The following PCDH9 variants were observed in gnomAD, a reference collection of about 807,000 sequenced individuals.
PCDH9 encodes the protein protocadherin 9.
Under a neutral mutation model 70.6 loss-of-function variants are expected in PCDH9, and 24 were observed. That is an observed-to-expected ratio of 0.34 (90% CI 0.25 to 0.48). The LOEUF (loss-of-function observed/expected upper bound fraction) is 0.48. Among genes scored for constraint, PCDH9 ranks in the 20% least tolerant of loss-of-function variants. The pLI, the probability that PCDH9 is intolerant of heterozygous loss-of-function variation, is 0.99. For missense variants in PCDH9, 1,281 were observed against 1,503.6 expected, an observed-to-expected ratio of 0.85 and a Z score of 2.45; for synonymous variants, 562 against 558.5, an observed-to-expected ratio of 1.01 and a Z score of -0.09.
intron 3 of PCDH9, among the ~76,000 whole-genome samples, chr13:66,805,714 T>A (rs1295313742): frequency 6.6e-6 from 1 of 152,164 alleles, no homozygotes; most frequent in Non-Finnish European, 1.5e-5. Flanking sequence ...TCCAATTCCG[T>A]CCTATGTCCT....
chr13:66,489,402 C>T (rs997176466), intron 4 of PCDH9, among the ~76,000 whole-genome samples: 59 of 152,258 alleles, frequency 3.9e-4, no homozygotes, highest in African/African-American at 1.4e-3. Flanking sequence ...CCTTGACCTC[C>T]TGGACTCAAG....
At chr13:66,771,757 CA>C (rs1181619319) in intron 3 of PCDH9, among the ~76,000 whole-genome samples, 6 of 152,196 alleles carry the variant, frequency 3.9e-5, no homozygotes, top group Non-Finnish European at 5.9e-5. Flanking sequence ...TTTATCTCCT[CA>C]ATTCTCAGTT....
At chr13:66,546,198 A>G (rs1961192007) in intron 4 of PCDH9, among the ~76,000 whole-genome samples, 1 of 151,986 alleles carries the variant, frequency 6.6e-6, no homozygotes, top group Admixed American at 6.6e-5. Context: ...TTAACTATAA[A>G]GCAGCCTCAG....
At chr13:67,171,264 C>T (rs2088277528) in intron 2 of PCDH9, among the ~76,000 whole-genome samples, 1 of 152,088 alleles carries the variant, frequency 6.6e-6, no homozygotes, top group Non-Finnish European at 1.5e-5. Flanking sequence ...AGGGTATCTA[C>T]AGTAAGTAAA....
intron 3 of PCDH9, among the ~76,000 whole-genome samples, chr13:66,858,009 G>A (rs766530508): frequency 6.6e-5 from 10 of 152,120 alleles, no homozygotes; most frequent in Non-Finnish European, 1.2e-4. Flanking sequence ...AAAGTGCTGG[G>A]ATGACTAGAC....
intron 2 of PCDH9, among the ~76,000 whole-genome samples, chr13:66,947,649 G>C (rs540705093): frequency 3.3e-5 from 5 of 152,226 alleles, no homozygotes; most frequent in African/African-American, 1.2e-4. Flanking sequence ...CAAAGGCATT[G>C]AATCAGCATG....
intron 4 of PCDH9, among the ~76,000 whole-genome samples, chr13:66,514,352 T>C (rs1349645870): frequency 6.6e-6 from 1 of 152,016 alleles, no homozygotes; most frequent in Non-Finnish European, 1.5e-5. Context: ...TTGGTTTGTA[T>C]AAAATAAAAT....
intron 2 of PCDH9, among the ~76,000 whole-genome samples, chr13:66,936,341 T>C (rs1341713138): frequency 1.3e-5 from 2 of 152,204 alleles, no homozygotes; most frequent in East Asian, 3.9e-4. Flanking sequence ...GAGATTCAGA[T>C]TTTTTGTTTG....
chr13:66,405,482 A>G (rs1267591117), intron 4 of PCDH9, among the ~76,000 whole-genome samples: 2 of 152,194 alleles, frequency 1.3e-5, no homozygotes, highest in Non-Finnish European at 2.9e-5. Flanking sequence ...GATTTCAAGG[A>G]GAACATAAAG....
intron 4 of PCDH9, among the ~76,000 whole-genome samples, chr13:66,381,089 GA>G (rs1204218467): frequency 1.3e-5 from 2 of 152,114 alleles, no homozygotes; most frequent in Admixed American, 1.3e-4. Context: ...AAGAGAGTTT[GA>G]AATTATATTT....
At chr13:66,385,861 G>T (rs1236159759) in intron 4 of PCDH9, among the ~76,000 whole-genome samples, 1 of 152,002 alleles carries the variant, frequency 6.6e-6, no homozygotes, top group Non-Finnish European at 1.5e-5. Context: ...AGAACTCTGG[G>T]GAATAATATG....
intron 4 of PCDH9, among the ~76,000 whole-genome samples, chr13:66,612,392 C>T (rs186404906): frequency 6.6e-6 from 1 of 152,166 alleles, no homozygotes; most frequent in African/African-American, 2.4e-5. Context: ...CATGATAGAG[C>T]AATGCATTTA....
chr13:66,946,440 C>T (rs1179464226), intron 2 of PCDH9, among the ~76,000 whole-genome samples: 7 of 152,000 alleles, frequency 4.6e-5, no homozygotes, highest in East Asian at 1.9e-4. Flanking sequence ...AGGGCCAAGG[C>T]GGGAAGCTTG....
chr13:66,746,925 C>T lies in PCDH9; in HGVS notation c.3139-115514G>A, dbSNP rs191936684. ...ACTACTAAATGTGAATACCCCTATC[C>T]CCCAACTTTCGTGATTTGTGAGATT... is the stretch of plus-strand genomic sequence containing the variant. On this transcript the variant is annotated intron_variant, in intron 3 of 4. Coordinates refer to ENST00000377865, the MANE Select transcript of PCDH9 (RefSeq NM_203487.3). Among the ~76,000 whole-genome samples, 3 of 152,158 alleles carry T rather than the reference C, an allele frequency of 2.0e-5. No individual in the cohort carries two copies. In the East Asian group the frequency reaches 5.8e-4, roughly 29 times the overall value.
intron 2 of PCDH9, among the ~76,000 whole-genome samples, chr13:67,033,353 G>C: frequency 6.6e-6 from 1 of 152,122 alleles, no homozygotes; most frequent in East Asian, 1.9e-4. Context: ...TTACCTATTG[G>C]TCAGGAAGTG....
In PCDH9 at chr13:67,215,882, GAC is replaced by G. The variant is rs1335105598; in HGVS notation, c.3036+9521_3036+9522del. ...GTGTTAGAAATACAAAGGTAAGTAA[GAC>G]ACAGTCTCTTACTTTGAGGAACTTT... On this transcript the variant is annotated intron_variant, in intron 2 of 4. Transcript: ENST00000377865. The G allele has an allele frequency of 2.6e-5, 4 of 152,140 alleles. No individual in the cohort carries two copies. In the East Asian group the frequency reaches 5.8e-4, roughly 22 times the overall value. The allele number at this position is 152,140 out of a possible 1,614,324, so 9.4% of individuals were successfully genotyped here.
intron 4 of PCDH9, among the ~76,000 whole-genome samples, chr13:66,547,504 G>T (rs939015182): frequency 6.6e-6 from 1 of 152,104 alleles, no homozygotes; most frequent in Non-Finnish European, 1.5e-5. Context: ...GTGCAAAGGT[G>T]ATTACGTTCT....
At position 66,616,276 on chromosome 13, in the gene PCDH9, A is replaced by G. The variant is rs535968594; in HGVS notation, c.3340+14934T>C. ...CTTATCTGAGATTCTTGTGGAACAG[A>G]CGTCCATCAAAGCCAATCCAAAAGG... On this transcript the variant is annotated intron_variant, in intron 4 of 4. Coordinates refer to ENST00000377865, the MANE Select transcript of PCDH9 (RefSeq NM_203487.3). Among the ~76,000 whole-genome samples, 4 of 152,270 alleles carry G rather than the reference A, an allele frequency of 2.6e-5. No individual in the cohort carries two copies. In the East Asian group the frequency reaches 7.7e-4, roughly 29 times the overall value.
At chr13:66,437,724 C>G (rs577341858) in intron 4 of PCDH9, among the ~76,000 whole-genome samples, 2 of 152,196 alleles carry the variant, frequency 1.3e-5, no homozygotes, top group South Asian at 4.1e-4. Flanking sequence ...CTTTGGAATT[C>G]TGCTTGGCTT....
Sources: gnomAD v4.1 joint callset for allele counts (sites outside exome capture counted in the v4.1 genomes callset) on GRCh38, gnomAD v4.1.1 for gene constraint, MANE v1.5 for transcripts, NCBI Gene and HGNC (gene_info 2026-07-23, HGNC 2026-07-21) for gene names.